The following EYS variants were observed in gnomAD, a reference collection of about 807,000 sequenced individuals.
The protein encoded by EYS is protein eyes shut homolog.
In EYS, 250 loss-of-function variants were observed where a neutral mutation model predicts 282.1. The ratio of observed to expected loss-of-function variants is 0.89; its 90% confidence interval spans 0.80 to 0.98. The LOEUF is 0.98. Ranked by LOEUF, EYS falls within the 50% of genes least tolerant of loss-of-function variation. EYS has a pLI of 0.00. For synonymous variants in EYS, 1,355 were observed against 1,282.9 expected (o/e 1.06, Z -1.20); for missense variants, 4,016 against 3,709.0 (o/e 1.08, Z -2.15).
In EYS at chr6:63,999,088, G is replaced by A. The variant is rs1190980625; in HGVS notation, c.6821C>T (p.Ser2274Phe). 2 of 1,549,246 alleles carry A rather than the reference G, an allele frequency of 1.3e-6. No homozygotes were observed. Among genetic ancestry groups the A allele is most frequent in the East Asian group, 2.4e-5 (1 of 40,880 alleles). ...PPVQKKDTEISHASQAYFESM... is the reference protein window; with the variant it reads ...PPVQKKDTEIFHASQAYFESM... The stretch of plus-strand genomic sequence containing the variant: ...TTGCATACCTACCTGAGAGGCATGG[G>A]AAATCTCTGTGTCTTTCTTCTGTAC... The change falls in exon 34 of 43, where the codon TCC becomes TTC. Residue 2274 changes from serine to phenylalanine, a missense_variant. Transcript: ENST00000503581.
chr6:64,345,231 C>T (rs947700242), intron 29 of EYS, among the ~76,000 whole-genome samples: 1 of 152,060 alleles, frequency 6.6e-6, no homozygotes, highest in Non-Finnish European at 1.5e-5. Flanking sequence ...AAAAAAGAGC[C>T]CACATTGCCA....
chr6:63,972,715 G>A (rs1246436027), intron 35 of EYS, among the ~76,000 whole-genome samples: 2 of 151,840 alleles, frequency 1.3e-5, no homozygotes, highest in Non-Finnish European at 2.9e-5. Flanking sequence ...GACAGGCCCC[G>A]GTGTGTGCTG....
chr6:65,379,418 G>A (rs963600331), intron 8 of EYS, among the ~76,000 whole-genome samples: 12 of 151,820 alleles, frequency 7.9e-5, no homozygotes, highest in South Asian at 2.1e-4. Flanking sequence ...ATTCAACACC[G>A]CTTCATGCTA....
chr6:64,294,226 G>A (rs1483037328), intron 30 of EYS, among the ~76,000 whole-genome samples: 4 of 152,118 alleles, frequency 2.6e-5, no homozygotes, highest in Admixed American at 2.6e-4. Context: ...TACCAAACTG[G>A]TGAATCAGTT....
rs934746976 is a variant in EYS, at chr6:65,005,845, C to T, written c.2138-8142G>A. Reference sequence around the variant, plus strand: ...CAGCCAGAAGTCTCTACCCAGCAGTCGCCCATGCGTGCACCCCTACCTTTC... The same window carrying T: ...CAGCCAGAAGTCTCTACCCAGCAGTTGCCCATGCGTGCACCCCTACCTTTC... On this transcript the variant is annotated intron_variant, in intron 13 of 42. Coordinates refer to ENST00000503581, the MANE Select transcript of EYS (RefSeq NM_001142800.2). 5.9e-5 allele frequency among the ~76,000 whole-genome samples: 9 copies of T among 152,346 alleles called. No individual in the cohort carries two copies. In the South Asian group the frequency reaches 6.2e-4, roughly 11 times the overall value.
In EYS at chr6:64,590,909, C is replaced by CT. The variant is rs527236065; in HGVS notation, c.4957dup (p.Ser1653LysfsTer2). On this transcript the variant is annotated frameshift_variant, in exon 26 of 43. Transcript: ENST00000503581. LOFTEE classifies it high-confidence loss of function. ...CAAACATAAATTAACATCCAAATTA[C>CT]TTGATAGGGTAATGGATTCTTCCAA... is the stretch of plus-strand genomic sequence containing the variant. The CT allele has an allele frequency of 5.2e-5, 81 of 1,550,432 alleles. 1 individual carries two copies. The East Asian group carries it at 2.0e-3, about 38-fold the overall frequency.
chr6:64,405,705 T>A (rs1224082224), intron 28 of EYS, among the ~76,000 whole-genome samples: 1 of 152,084 alleles, frequency 6.6e-6, no homozygotes, highest in Admixed American at 6.5e-5. Flanking sequence ...GAGAGCCAAA[T>A]CATGGGTGAA....
chr6:64,558,422 A>C (rs139235040), intron 26 of EYS, among the ~76,000 whole-genome samples: 250 of 152,224 alleles, frequency 1.6e-3, no homozygotes, highest in Admixed American at 3.5e-3. Context: ...ATTACAATGC[A>C]TAGGACGGAC....
intron 33 of EYS, among the ~76,000 whole-genome samples, chr6:64,032,174 C>T (rs564527396): frequency 1.3e-5 from 2 of 152,138 alleles, no homozygotes; most frequent in South Asian, 2.1e-4. Context: ...GGCGGCGAGA[C>T]CACGAACCCA....
intron 35 of EYS, among the ~76,000 whole-genome samples, chr6:63,888,725 C>A (rs2149723221): frequency 6.6e-6 from 1 of 152,356 alleles, no homozygotes; most frequent in Non-Finnish European, 1.5e-5. Context: ...ACCAGAATGC[C>A]TCTTCTCCCC....
chr6:63,891,601 C>T lies in EYS; in HGVS notation c.7056-27243G>A, dbSNP rs376930012. On this transcript the variant is annotated intron_variant, in intron 35 of 42. Transcript: ENST00000503581. ...GGAACATATCTCAAAATAATAAGAGCTATTTATGACAAACCCATGGCCAAT... is the reference window on the plus strand; with the variant it reads ...GGAACATATCTCAAAATAATAAGAGTTATTTATGACAAACCCATGGCCAAT... Among the ~76,000 whole-genome samples the T allele has an allele frequency of 7.2e-5, 11 of 151,906 alleles. No homozygotes were observed. In the East Asian group the frequency reaches 1.2e-3, roughly 16 times the overall value.
intron 2 of EYS, among the ~76,000 whole-genome samples, chr6:65,542,948 A>C (rs1768226219): frequency 6.6e-6 from 1 of 152,212 alleles, no homozygotes; most frequent in Admixed American, 6.5e-5. Flanking sequence ...AACTAATTGC[A>C]CAAACCACAT....
intron 5 of EYS, among the ~76,000 whole-genome samples, chr6:65,429,243 G>T (rs1046751908): frequency 1.3e-5 from 2 of 152,002 alleles, no homozygotes; most frequent in African/African-American, 4.8e-5. Flanking sequence ...AAATTACCAG[G>T]GGCCAGTGCA....
intron 2 of EYS, among the ~76,000 whole-genome samples, chr6:65,577,043 T>A (rs193168262): frequency 2.6e-5 from 4 of 151,750 alleles, no homozygotes; most frequent in Non-Finnish European, 5.9e-5. Flanking sequence ...TTCAATGACA[T>A]TTTTCACAAA....
chr6:63,866,924 T>G (rs1399349348), intron 35 of EYS, among the ~76,000 whole-genome samples: 1 of 152,172 alleles, frequency 6.6e-6, no homozygotes. Context: ...TCACCAGTAG[T>G]TTTTGTTTTC....
At chr6:65,329,727 T>C (rs1377946242) in intron 11 of EYS, 4 of 969,564 alleles carry the variant, frequency 4.1e-6, no homozygotes, top group Non-Finnish European at 4.9e-6. Flanking sequence ...ACAATAGTCT[T>C]AGAATAAATA....
At chr6:64,498,891 T>G (rs1276259147) in intron 26 of EYS, among the ~76,000 whole-genome samples, 2 of 152,184 alleles carry the variant, frequency 1.3e-5, no homozygotes, top group Non-Finnish European at 2.9e-5. Context: ...TGGTTCCAAG[T>G]CTTGCAATCA....
chr6:64,829,924 C>G (rs147406112), intron 19 of EYS, among the ~76,000 whole-genome samples: 7 of 151,974 alleles, frequency 4.6e-5, no homozygotes, highest in Non-Finnish European at 4.4e-5. Flanking sequence ...TAGAGAATAC[C>G]ACTAGAATCC....
intron 22 of EYS, among the ~76,000 whole-genome samples, chr6:64,784,403 C>G (rs1351841728): frequency 1.3e-5 from 2 of 151,128 alleles, no homozygotes; most frequent in African/African-American, 4.9e-5. Flanking sequence ...TTTTTTAAAC[C>G]TTTTTATTTG....
Sources: gnomAD v4.1 joint callset for allele counts (sites outside exome capture counted in the v4.1 genomes callset) on GRCh38, gnomAD v4.1.1 for gene constraint, MANE v1.5 for transcripts, NCBI Gene and HGNC (gene_info 2026-07-23, HGNC 2026-07-21) for gene names.